The following CPLANE1 variants were observed in gnomAD, a reference collection of about 807,000 sequenced individuals.
The protein encoded by CPLANE1 is ciliogenesis and planar polarity effector 1.
In CPLANE1, 263 loss-of-function variants were observed where a neutral mutation model predicts 362.5. The ratio of observed to expected loss-of-function variants is 0.73; its 90% CI spans 0.66 to 0.80. The LOEUF (loss-of-function observed/expected upper bound fraction) is 0.80, where lower values mean the gene tolerates loss of function less well. Among genes scored for constraint, CPLANE1 ranks in the 30% least tolerant of loss-of-function variants. The pLI, the probability that CPLANE1 is intolerant of heterozygous loss-of-function variation, is 0.00. For missense variants in CPLANE1, 3,461 were observed against 3,793.4 expected (o/e 0.91, Z 2.30); for synonymous variants, 1,212 against 1,302.6 (o/e 0.93, Z 1.50).
At position 37,210,248 on chromosome 5, in the gene CPLANE1, G is replaced by T; in HGVS notation, c.2920+3311C>A. 1.9e-6 allele frequency: 3 copies of T among 1,604,876 alleles called. No individual in the cohort carries two copies. In the South Asian group the frequency reaches 3.3e-5, roughly 18 times the overall value. ...AACTTTTACTAAAAGATATGGATTT[G>T]CTAAGAGGAAGAGAAGCAGAGCTGA... is the stretch of plus-strand genomic sequence containing the variant. On this transcript the variant is annotated intron_variant, in intron 16 of 52. Transcript: ENST00000651892.
chr5:37,186,671 T>C (rs556080694), intron 23 of CPLANE1, among the ~76,000 whole-genome samples: 20 of 152,330 alleles, frequency 1.3e-4, no homozygotes, highest in African/African-American at 3.1e-4. Context: ...CTGATTTCCA[T>C]AGTCGAATTA....
intron 18 of CPLANE1, among the ~76,000 whole-genome samples, chr5:37,203,212 G>A (rs1344991790): frequency 6.6e-6 from 1 of 151,952 alleles, no homozygotes; most frequent in Non-Finnish European, 1.5e-5. Context: ...TTATTCTCAG[G>A]CAACCCCTGA....
At chr5:37,220,989 C>T (rs1302411757) in intron 15 of CPLANE1, among the ~76,000 whole-genome samples, 1 of 152,098 alleles carries the variant, frequency 6.6e-6, no homozygotes, top group African/African-American at 2.4e-5. Flanking sequence ...CAGGCAATTA[C>T]TATACTGTTA....
chr5:37,157,616 C>A, intron 40 of CPLANE1, 54 bp downstream of exon 40: 1 of 1,462,190 alleles, frequency 6.8e-7, no homozygotes, highest in South Asian at 1.2e-5. Context: ...GATAACAATG[C>A]TATATTAAAG....
At position 37,183,500 on chromosome 5, in the gene CPLANE1, T is replaced by C; in HGVS notation, c.4681A>G (p.Ile1561Val). The C allele has an allele frequency of 2.5e-6, 4 of 1,613,684 alleles. No individual in the cohort carries two copies. Among genetic ancestry groups the C allele is most frequent in the Non-Finnish European group, 3.4e-6 (4 of 1,179,690 alleles). ...GAATAAGGTAGGTCTCTTTCAAGAA[T>C]GTAACTCAAAAACAGATCAAGGAAT... ...IKFLDLFLSY[I>V]LERDLPYSRD... Residue 1561 changes from isoleucine (I) to valine (V), a missense_variant, in exon 26 of 53, where the codon ATT becomes GTT. Physicochemically the swap from Ile to Val is conservative, Grantham distance 29 (BLOSUM62 3). Transcript: ENST00000651892.
In CPLANE1 at chr5:37,107,243, G is replaced by A. The variant is rs1757803176; in HGVS notation, c.*359C>T. The A allele has an allele frequency of 9.9e-7, 1 of 1,012,456 alleles. No individual in the cohort carries two copies. Among genetic ancestry groups the A allele is most frequent in the African/African-American group, 1.7e-5 (1 of 58,350 alleles). 62.7% of individuals were successfully genotyped at this position (1,012,456 alleles called of 1,614,324 possible). ...TTTCCTATTAGATTCATCTGTATATGGTTGTTTCTCAAAACTCAGAGGGTA... is the reference window on the plus strand; with the variant it reads ...TTTCCTATTAGATTCATCTGTATATAGTTGTTTCTCAAAACTCAGAGGGTA... On this transcript the variant is annotated 3_prime_UTR_variant, in exon 53 of 53. Transcript: ENST00000651892.
In CPLANE1 at chr5:37,187,366, A is replaced by C. The variant is rs769356417; in HGVS notation, c.4080+48T>G. 6 of 1,434,682 alleles carry C rather than the reference A, an allele frequency of 4.2e-6. No homozygotes were observed. In the South Asian group the frequency reaches 8.1e-5, roughly 19 times the overall value. 88.9% of individuals were successfully genotyped at this position (1,434,682 alleles called of 1,614,324 possible). The stretch of plus-strand genomic sequence containing the variant: ...AATTAAAATTAAATAAAAATCTTTT[A>C]AAGTCTCTGATTCTGATGTAGTTTA... On this transcript the variant is annotated intron_variant, in intron 23 of 52. Transcript: ENST00000651892.
At chr5:37,224,103 A>G in intron 14 of CPLANE1, 150 bp downstream of exon 14, 1 of 547,270 alleles carries the variant, frequency 1.8e-6, no homozygotes. Context: ...TGAAATTTAG[A>G]ATTATTTTTA....
intron 2 of CPLANE1, 92 bp downstream of exon 2, chr5:37,247,526 T>C: frequency 4.6e-6 from 5 of 1,089,874 alleles, no homozygotes; most frequent in Non-Finnish European, 6.5e-6. Context: ...GATGTTTTAT[T>C]TATTTAAGAT....
the CPLANE1 span, among the ~76,000 whole-genome samples, chr5:37,076,246 C>CCTGT: frequency 3.1e-3 from 262 of 84,504 alleles, no homozygotes; most frequent in African/African-American, 0.012. Flanking sequence ...AGAGCAAGAC[C>CCTGT]CTGTCTCAAA....
At chr5:37,147,731 T>C (rs1003362646) in intron 43 of CPLANE1, among the ~76,000 whole-genome samples, 8 of 151,990 alleles carry the variant, frequency 5.3e-5, no homozygotes, top group African/African-American at 1.9e-4. Context: ...AAAACAACTA[T>C]TCTAATTTCA....
rs78181246 is a variant in CPLANE1 at position 37,244,693 on chromosome 5, A to C, written c.338-86T>G. The C allele has an allele frequency of 6.0e-3, 4,776 of 795,210 alleles. 172 individuals carry two copies. The African/African-American group carries it at 0.077, about 13-fold the overall frequency. The allele number at this position is 795,210 out of a possible 1,614,324, so 49.3% of individuals were successfully genotyped here. A position where few individuals can be genotyped will look rare whatever the true frequency, so the allele number is the denominator to read the frequency against. On this transcript the variant is annotated intron_variant, in intron 4 of 52. Transcript: ENST00000651892. ...ACATAATTTATGTATTCTTACAATA[A>C]AAAAAAAACAAATAATGTTACCATT...
At chr5:37,194,517 G>C (rs1786639115) in intron 21 of CPLANE1, among the ~76,000 whole-genome samples, 1 of 152,056 alleles carries the variant, frequency 6.6e-6, no homozygotes, top group Non-Finnish European at 1.5e-5. Flanking sequence ...TTACGTGAAT[G>C]AAGAGTCTAT....
At chr5:37,212,317 A>G in intron 16 of CPLANE1, 1 of 911,958 alleles carries the variant, frequency 1.1e-6, no homozygotes, top group Non-Finnish European at 1.9e-6. Context: ...GACACACTGC[A>G]ATGTAGTGAC....
intron 37 of CPLANE1, 96 bp downstream of exon 37, chr5:37,164,177 G>A: frequency 3.2e-6 from 3 of 944,836 alleles, no homozygotes; most frequent in Non-Finnish European, 5.1e-6. Context: ...CAGCTGGGCA[G>A]AAATGTAGGT....
chr5:37,199,723 G>T (rs6875004), intron 19 of CPLANE1, among the ~76,000 whole-genome samples: 21 of 152,072 alleles, frequency 1.4e-4, no homozygotes, highest in African/African-American at 4.8e-4. Context: ...CTTCTTCCCT[G>T]CCCACTTCTT....
intron 50 of CPLANE1, among the ~76,000 whole-genome samples, chr5:37,118,838 A>G (rs1256007263): frequency 6.6e-6 from 1 of 151,354 alleles, no homozygotes; most frequent in African/African-American, 2.4e-5. Flanking sequence ...CTCAGCCTCC[A>G]GAGTAGCTGG....
intron 26 of CPLANE1, among the ~76,000 whole-genome samples, chr5:37,181,493 A>T (rs932827778): frequency 6.6e-6 from 1 of 152,182 alleles, no homozygotes; most frequent in African/African-American, 2.4e-5. Flanking sequence ...TATAAACTGT[A>T]TACCTTATGA....
At chr5:37,081,785 C>T in the CPLANE1 span, among the ~76,000 whole-genome samples, 9 of 152,080 alleles carry the variant, frequency 5.9e-5, no homozygotes, top group African/African-American at 2.2e-4. Flanking sequence ...GAACTTAAAC[C>T]TACACACATC....
Sources: gnomAD v4.1 joint callset for allele counts (sites outside exome capture counted in the v4.1 genomes callset) on GRCh38, gnomAD v4.1.1 for gene constraint, MANE v1.5 for transcripts, NCBI Gene and HGNC (gene_info 2026-07-23, HGNC 2026-07-21) for gene names.